DIP2B: variants seen among roughly 807,000 people sequenced by gnomAD.
DIP2B encodes disco-interacting protein 2 homolog B.
A neutral mutation model predicts 198.0 loss-of-function variants in DIP2B; 76 were observed. The observed-to-expected ratio is 0.38, with a 90% CI of 0.32 to 0.46. The LOEUF is 0.46. DIP2B is among the 20% of genes least tolerant of loss of function. The pLI, the probability that DIP2B is intolerant of heterozygous loss-of-function variation, is 0.99. For missense variants in DIP2B, 1,559 were observed against 1,978.4 expected (o/e 0.79, Z 4.02); for synonymous variants, 701 against 739.1 (o/e 0.95, Z 0.84).
At chr12:50,723,088 G>A in intron 26 of DIP2B, 114 bp from the exon 27 acceptor site, 4 of 1,262,502 alleles carry the variant, frequency 3.2e-6, no homozygotes, top group Non-Finnish European at 4.3e-6. Context: ...TTAAATTATG[G>A]TCTACAGAAC....
intron 1 of DIP2B, among the ~76,000 whole-genome samples, chr12:50,557,841 C>A (rs1019992532): frequency 2.6e-5 from 4 of 152,158 alleles, no homozygotes; most frequent in Non-Finnish European, 5.9e-5. Flanking sequence ...ATTGTTGAAT[C>A]ATTTCTTCCA....
In DIP2B at chr12:50,649,079, T is replaced by C. The variant is rs182343861; in HGVS notation, c.301+8227T>C. Reference sequence around the variant, plus strand: ...GTCTAAAACCTTTATGAAAAAAACTTTAAAACCCTGAAAGACAAAAAAGTA... The same window carrying C: ...GTCTAAAACCTTTATGAAAAAAACTCTAAAACCCTGAAAGACAAAAAAGTA... On this transcript the variant is annotated intron_variant, in intron 3 of 37. Coordinates refer to ENST00000301180, the MANE Select transcript of DIP2B (RefSeq NM_173602.3). Among the ~76,000 whole-genome samples the C allele has an allele frequency of 1.2e-3, 177 of 152,236 alleles. 1 individual carries two copies. Among genetic ancestry groups the C allele is most frequent in the African/African-American group, 4.0e-3 (166 of 41,556 alleles).
At chr12:50,698,214 G>C in intron 17 of DIP2B, 114 bp from the exon 18 acceptor site, 1 of 1,347,730 alleles carries the variant, frequency 7.4e-7, no homozygotes, top group East Asian at 2.4e-5. Context: ...TTTTGGGAGA[G>C]AAAATGGAGA....
chr12:50,508,071 T>C (rs1289939856), intron 1 of DIP2B, among the ~76,000 whole-genome samples: 1 of 152,226 alleles, frequency 6.6e-6, no homozygotes, highest in Non-Finnish European at 1.5e-5. Flanking sequence ...GGTTTGTGCC[T>C]GCTTTGGGCT....
In DIP2B at chr12:50,653,346, C is replaced by CT. The variant is rs34185073; in HGVS notation, c.302-6829dup. On this transcript the variant is annotated intron_variant, in intron 3 of 37. Coordinates refer to ENST00000301180, the MANE Select transcript of DIP2B (RefSeq NM_173602.3). ...TTTCTTTCTTTTTTTTTTTTCTTTTCTTTTTTTTTTTTTTTTTTTAAGAAC... is the reference window on the plus strand; with the variant it reads ...TTTCTTTCTTTTTTTTTTTTCTTTTCTTTTTTTTTTTTTTTTTTTTAAGAAC... Among the ~76,000 whole-genome samples, 554 of 76,652 alleles carry CT rather than the reference C, an allele frequency of 7.2e-3. 10 individuals carry two copies. The highest frequency in any genetic ancestry group is 0.01 in the Non-Finnish European group (429 of 41,868). The allele number at this position is 76,652 out of a possible 152,430, so 50.3% of individuals were successfully genotyped here. A position where few individuals can be genotyped will look rare whatever the true frequency, so the allele number is the denominator to read the frequency against.
At chr12:50,594,150 G>A (rs908600418) in intron 1 of DIP2B, among the ~76,000 whole-genome samples, 2 of 150,648 alleles carry the variant, frequency 1.3e-5, no homozygotes, top group African/African-American at 4.9e-5. Flanking sequence ...CACCCTGTTG[G>A]CTGGGCTGGT....
chr12:50,607,537 A>G (rs995214040), intron 1 of DIP2B, among the ~76,000 whole-genome samples: 6 of 152,096 alleles, frequency 3.9e-5, no homozygotes, highest in African/African-American at 1.2e-4. Flanking sequence ...TCCCCTTTCT[A>G]CTACTGAAAA....
intron 16 of DIP2B, among the ~76,000 whole-genome samples, chr12:50,696,688 G>T (rs1939318302): frequency 6.6e-6 from 1 of 152,178 alleles, no homozygotes; most frequent in Non-Finnish European, 1.5e-5. Flanking sequence ...CATATAGAAG[G>T]TGGAGCTAAG....
At chr12:50,594,767 A>G (rs1431100805) in intron 1 of DIP2B, among the ~76,000 whole-genome samples, 1 of 152,214 alleles carries the variant, frequency 6.6e-6, no homozygotes, top group Non-Finnish European at 1.5e-5. Context: ...ACATATTAAA[A>G]GATATTTATG....
intron 4 of DIP2B, among the ~76,000 whole-genome samples, chr12:50,661,833 G>A (rs1938654071): frequency 6.6e-6 from 1 of 152,220 alleles, no homozygotes; most frequent in African/African-American, 2.4e-5. Flanking sequence ...CCCCTCCAAA[G>A]CTGTATCAAA....
chr12:50,736,222 AT>A (rs1377096219), intron 34 of DIP2B, among the ~76,000 whole-genome samples: 1 of 152,116 alleles, frequency 6.6e-6, no homozygotes, highest in African/African-American at 2.4e-5. Flanking sequence ...GATTTGGCTG[AT>A]TTTGTCACTG....
At chr12:50,547,753 G>A (rs1442966250) in intron 1 of DIP2B, among the ~76,000 whole-genome samples, 1 of 152,134 alleles carries the variant, frequency 6.6e-6, no homozygotes, top group African/African-American at 2.4e-5. Flanking sequence ...ACTATGTATA[G>A]CATGATTTCA....
At chr12:50,704,047 C>T in intron 19 of DIP2B, 93 bp from the exon 20 acceptor site, 1 of 1,028,454 alleles carries the variant, frequency 9.7e-7, no homozygotes, top group Non-Finnish European at 1.4e-6. Flanking sequence ...ATTATTTTTT[C>T]ACTGAGCATG....
At chr12:50,590,003 T>C (rs1958805126) in intron 1 of DIP2B, among the ~76,000 whole-genome samples, 1 of 151,686 alleles carries the variant, frequency 6.6e-6, no homozygotes, top group African/African-American at 2.4e-5. Context: ...TCTCTCTCTT[T>C]CTCTGTCTCT....
intron 1 of DIP2B, among the ~76,000 whole-genome samples, chr12:50,549,827 G>A (rs1191492792): frequency 6.6e-6 from 1 of 151,296 alleles, no homozygotes; most frequent in Non-Finnish European, 1.5e-5. Flanking sequence ...GCTTAAGTCT[G>A]TGTGCACAAA....
At chr12:50,686,249 A>G (rs1357817800) in intron 11 of DIP2B, among the ~76,000 whole-genome samples, 7 of 152,122 alleles carry the variant, frequency 4.6e-5, no homozygotes, top group Non-Finnish European at 8.8e-5. Context: ...GGTTGGAAAA[A>G]GCTACCACTC....
chr12:50,592,770 C>T (rs367769772), intron 1 of DIP2B, among the ~76,000 whole-genome samples: 25 of 152,284 alleles, frequency 1.6e-4, no homozygotes, highest in African/African-American at 4.1e-4. Flanking sequence ...CCACTGCACC[C>T]GGCCAGATTA....
intron 1 of DIP2B, among the ~76,000 whole-genome samples, chr12:50,585,668 C>T (rs1380968524): frequency 1.3e-5 from 2 of 152,046 alleles, no homozygotes; most frequent in African/African-American, 4.8e-5. Flanking sequence ...TTAAGGCTTC[C>T]CAGGCCATGG....
intron 30 of DIP2B, 124 bp from the exon 31 acceptor site, chr12:50,731,245 T>A: frequency 2.6e-6 from 3 of 1,171,940 alleles, no homozygotes; most frequent in Non-Finnish European, 3.5e-6. Context: ...CTTAGAGCTT[T>A]ATATCTCATA....
Sources: gnomAD v4.1 joint callset for allele counts (sites outside exome capture counted in the v4.1 genomes callset) on GRCh38, gnomAD v4.1.1 for gene constraint, MANE v1.5 for transcripts, NCBI Gene and HGNC (gene_info 2026-07-23, HGNC 2026-07-21) for gene names.